AHI1: variants seen among roughly 807,000 people sequenced by gnomAD.
AHI1 encodes the protein Abelson helper integration site 1.
Under a neutral mutation model 149.3 loss-of-function variants are expected in AHI1, and 123 were observed. The ratio of observed to expected loss-of-function variants is 0.82; its 90% CI spans 0.71 to 0.96. The LOEUF is 0.96. AHI1 is among the 40% of genes least tolerant of loss of function. The pLI is 0.00. For missense variants in AHI1, 1,439 were observed against 1,422.7 expected, an observed-to-expected ratio of 1.01 and a Z score of -0.18; for synonymous variants, 475 against 459.8, an observed-to-expected ratio of 1.03 and a Z score of -0.42.
intron 24 of AHI1, among the ~76,000 whole-genome samples, chr6:135,351,330 T>C (rs999856349): frequency 1.3e-5 from 2 of 152,288 alleles, no homozygotes; most frequent in Non-Finnish European, 2.9e-5. Context: ...TATCTGGCTA[T>C]CTCCTGTAAT....
At chr6:135,361,830 TA>T (rs1407776036) in intron 23 of AHI1, among the ~76,000 whole-genome samples, 2 of 152,224 alleles carry the variant, frequency 1.3e-5, no homozygotes, top group Non-Finnish European at 2.9e-5. Context: ...TTTTAAATTT[TA>T]TTTTTTTTGA....
At chr6:135,420,174 T>C (rs2127992854) in intron 20 of AHI1, among the ~76,000 whole-genome samples, 1 of 152,306 alleles carries the variant, frequency 6.6e-6, no homozygotes, top group South Asian at 2.1e-4. Flanking sequence ...AATACACTTC[T>C]TCCAAACTTC....
chr6:135,405,325 C>A (rs1780608108), intron 21 of AHI1, among the ~76,000 whole-genome samples: 1 of 152,110 alleles, frequency 6.6e-6, no homozygotes. Flanking sequence ...ATATAATTAT[C>A]TCTATAAATA....
Position 135,285,659 on chromosome 6 carries a change from A to G in AHI1, c.3589-12T>C. On this transcript the variant is annotated splice_polypyrimidine_tract_variant and intron_variant, in intron 28 of 28. Coordinates refer to ENST00000265602, the MANE Select transcript of AHI1 (RefSeq NM_001134831.2). ...TCTTCAATTCTTTACTGGAAAGAAA[A>G]ATACACAAAATGTACTAAATAAACT... is the stretch of plus-strand genomic sequence containing the variant. The G allele has an allele frequency of 6.3e-7, 1 of 1,599,470 alleles. No homozygotes were observed. The highest frequency in any genetic ancestry group is 8.5e-7 in the Non-Finnish European group (1 of 1,170,496).
Position 135,364,890 on chromosome 6 carries a change from G to A in AHI1, c.3110-6703C>T, listed in dbSNP as rs993670030. On this transcript the variant is annotated intron_variant, in intron 23 of 28. Transcript: ENST00000265602. The stretch of plus-strand genomic sequence containing the variant: ...ATCAGAGGGAGACCGTGGAAAGAGA[G>A]GGAGAGGGAGACCGTGGGGAGAGGA... 1.1e-4 allele frequency among the ~76,000 whole-genome samples: 17 copies of A among 151,810 alleles called. No homozygotes were observed. In the East Asian group the frequency reaches 1.9e-3, roughly 17 times the overall value.
intron 5 of AHI1, among the ~76,000 whole-genome samples, chr6:135,486,869 G>A (rs751029686): frequency 2.6e-5 from 4 of 152,214 alleles, no homozygotes; most frequent in Non-Finnish European, 5.9e-5. Context: ...CCAGGCTCAA[G>A]CAATCCTCCC....
chr6:135,293,986 C>T (rs1562445954), intron 27 of AHI1, among the ~76,000 whole-genome samples: 1 of 152,076 alleles, frequency 6.6e-6, no homozygotes. Flanking sequence ...TACAAAACTA[C>T]TCAGTAATTA....
At chr6:135,333,013 T>G (rs539620052) in intron 24 of AHI1, among the ~76,000 whole-genome samples, 96 of 152,316 alleles carry the variant, frequency 6.3e-4, no homozygotes, top group Admixed American at 3.9e-4. Flanking sequence ...GAAATGCGAA[T>G]TTTTGCCATC....
At chr6:135,486,754 A>G (rs1168402261) in intron 5 of AHI1, among the ~76,000 whole-genome samples, 1 of 152,000 alleles carries the variant, frequency 6.6e-6, no homozygotes, top group East Asian at 1.9e-4. Flanking sequence ...AATACCTGAT[A>G]TTTTATTTTA....
chr6:135,376,881 CAAAAAAAAAAAAAAAAAAA>C (rs1167083326), intron 23 of AHI1, among the ~76,000 whole-genome samples: 64 of 29,444 alleles, frequency 2.2e-3, no homozygotes, highest in African/African-American at 8.8e-3. Context: ...GACTCCATCT[CAAAAAAAAAAAAAAAAAAA>C]AAAAAAAAAA....
chr6:135,440,169 C>T (rs1786056065), intron 14 of AHI1, among the ~76,000 whole-genome samples: 1 of 152,150 alleles, frequency 6.6e-6, no homozygotes, highest in South Asian at 2.1e-4. Flanking sequence ...CTAAAAGCCC[C>T]ATCCCCAAAG....
intron 15 of AHI1, among the ~76,000 whole-genome samples, chr6:135,438,025 A>G (rs552292215): frequency 6.6e-6 from 1 of 152,282 alleles, no homozygotes; most frequent in African/African-American, 2.4e-5. Context: ...AATCCAGCCA[A>G]TAGTGAAGAC....
chr6:135,367,850 C>A (rs762384439), intron 23 of AHI1, among the ~76,000 whole-genome samples: 3 of 152,152 alleles, frequency 2.0e-5, no homozygotes, highest in African/African-American at 4.8e-5. Flanking sequence ...CTTTTTCTGG[C>A]AATTCAGAGA....
At chr6:135,343,613 AGGGTGCC>A in intron 24 of AHI1, among the ~76,000 whole-genome samples, 1 of 151,388 alleles carries the variant, frequency 6.6e-6, no homozygotes. Context: ...ATTTTCAACA[AGGGTGCC>A]AAGACCATTA....
chr6:135,428,831 C>T, intron 18 of AHI1, 72 bp from the exon 19 acceptor site: 1 of 1,326,276 alleles, frequency 7.5e-7, no homozygotes, highest in Non-Finnish European at 1.0e-6. Flanking sequence ...AAAATCTTTT[C>T]TCTTAAATAC....
At chr6:135,408,349 GC>G (rs1053330242) in intron 21 of AHI1, among the ~76,000 whole-genome samples, 15 of 151,882 alleles carry the variant, frequency 9.9e-5, no homozygotes, top group Non-Finnish European at 1.2e-4. Context: ...CATCTTTAAA[GC>G]TCAATGTATC....
chr6:135,395,520 A>G (rs1323087889), intron 22 of AHI1, among the ~76,000 whole-genome samples: 1 of 151,980 alleles, frequency 6.6e-6, no homozygotes, highest in African/African-American at 2.4e-5. Context: ...ATCTGAGTGC[A>G]CACTAGCCTC....
chr6:135,382,728 A>G (rs1443159890), intron 23 of AHI1, among the ~76,000 whole-genome samples: 2 of 151,634 alleles, frequency 1.3e-5, no homozygotes, highest in Non-Finnish European at 2.9e-5. Flanking sequence ...TTCTTGTCAC[A>G]GATTTAATTT....
At chr6:135,344,981 A>G in intron 24 of AHI1, among the ~76,000 whole-genome samples, 1 of 151,206 alleles carries the variant, frequency 6.6e-6, no homozygotes, top group South Asian at 2.1e-4. Context: ...TCTAGTATAC[A>G]TAATTATATA....
Sources: gnomAD v4.1 joint callset for allele counts (sites outside exome capture counted in the v4.1 genomes callset) on GRCh38, gnomAD v4.1.1 for gene constraint, MANE v1.5 for transcripts, NCBI Gene and HGNC (gene_info 2026-07-23, HGNC 2026-07-21) for gene names.